Variants in LPIN2 observed in about 807,000 individuals in gnomAD.
LPIN2 encodes the protein phosphatidate phosphatase LPIN2.
Under a neutral mutation model 111.4 loss-of-function variants are expected in LPIN2, and 55 were observed. That is an observed-to-expected ratio of 0.49 (90% confidence interval 0.40 to 0.62). The LOEUF (loss-of-function observed/expected upper bound fraction) is 0.62, where lower values mean the gene tolerates loss of function less well. Among genes scored for constraint, LPIN2 ranks in the 20% least tolerant of loss-of-function variants. The pLI is 0.00. For missense variants in LPIN2, 992 were observed against 1,112.1 expected (o/e 0.89, Z 1.54); for synonymous variants, 425 against 414.0 (o/e 1.03, Z -0.32).
At chr18:2,993,967 C>G (rs1335435659) in intron 1 of LPIN2, among the ~76,000 whole-genome samples, 2 of 152,184 alleles carry the variant, frequency 1.3e-5, no homozygotes, top group Non-Finnish European at 2.9e-5. Context: ...ACCTCTGGTT[C>G]TAAACCACAC....
intron 9 of LPIN2, among the ~76,000 whole-genome samples, chr18:2,930,504 C>T (rs2077198397): frequency 6.6e-6 from 1 of 152,202 alleles, no homozygotes; most frequent in Admixed American, 6.5e-5. Context: ...ATGCAGTCTG[C>T]CACATCACAC....
At chr18:2,966,579 T>C (rs892586922) in intron 1 of LPIN2, among the ~76,000 whole-genome samples, 12 of 152,220 alleles carry the variant, frequency 7.9e-5, no homozygotes, top group African/African-American at 2.2e-4. Flanking sequence ...GTAACAGAAA[T>C]GCTCTAAGTA....
intron 2 of LPIN2, among the ~76,000 whole-genome samples, chr18:2,959,931 G>C (rs2077682132): frequency 6.6e-6 from 1 of 152,160 alleles, no homozygotes; most frequent in South Asian, 2.1e-4. Flanking sequence ...GGGAGGCCGA[G>C]GCCGAAGCCG....
Position 2,940,652 on chromosome 18 carries a change from A to G in LPIN2, c.651T>C (p.Ser217=), listed in dbSNP as rs917509378. The change falls in exon 5 of 20, where the codon TCT becomes TCC. Residue 217 remains serine (S), a synonymous_variant. Transcript: ENST00000677752. ...EECKEPLLFH[S]GDHYPLSDGD... The stretch of plus-strand genomic sequence containing the variant: ...CATCAGATAAGGGGTAATGATCCCC[A>G]GAATGGAAGAGCAAAGGCTCTTTAC... 1.9e-5 allele frequency: 31 copies of G among 1,613,566 alleles called. No homozygotes were observed. Among genetic ancestry groups the G allele is most frequent in the Non-Finnish European group, 2.5e-5 (30 of 1,179,638 alleles).
chr18:2,917,388 C>CTT lies in LPIN2; in HGVS notation c.*2903_*2904dup, dbSNP rs1481217433. 6.6e-6 allele frequency: 1 copy of CTT among 152,152 alleles called. No homozygotes were observed. Among genetic ancestry groups the CTT allele is most frequent in the Non-Finnish European group, 1.5e-5 (1 of 68,028 alleles). 9.4% of individuals were successfully genotyped at this position (152,152 alleles called of 1,614,324 possible). A position where few individuals can be genotyped will look rare whatever the true frequency, so the allele number is the denominator to read the frequency against. ...TTCCCCGGAAGTCTGTTTTTGCCAA[C>CTT]TTGTAAAAAGTGAAAGAGCTGACTT... On this transcript the variant is annotated 3_prime_UTR_variant, in exon 20 of 20. Transcript: ENST00000677752.
intron 4 of LPIN2, chr18:2,946,731 A>G (rs2077458109): frequency 3.5e-6 from 2 of 566,600 alleles, no homozygotes; most frequent in Admixed American, 6.1e-5. Context: ...ATTTTAAACT[A>G]TTCACTGGTA....
chr18:3,000,393 C>G (rs1441223977), intron 1 of LPIN2, among the ~76,000 whole-genome samples: 2 of 152,222 alleles, frequency 1.3e-5, no homozygotes, highest in East Asian at 3.9e-4. Flanking sequence ...AAAGTTCCCA[C>G]CAGGTGCCCA....
At chr18:2,943,935 T>C (rs1052466271) in intron 4 of LPIN2, among the ~76,000 whole-genome samples, 5 of 152,224 alleles carry the variant, frequency 3.3e-5, no homozygotes, top group Non-Finnish European at 7.3e-5. Flanking sequence ...ATAGTACTTC[T>C]GTAAATTTTT....
intron 8 of LPIN2, among the ~76,000 whole-genome samples, chr18:2,933,284 T>C (rs556475257): frequency 2.2e-4 from 33 of 152,342 alleles, no homozygotes; most frequent in African/African-American, 7.7e-4. Context: ...ATCATCACCT[T>C]AGTTACTCTC....
chr18:2,928,267 A>G (rs752145700), intron 11 of LPIN2, among the ~76,000 whole-genome samples: 8 of 152,148 alleles, frequency 5.3e-5, no homozygotes, highest in East Asian at 3.8e-4. Context: ...GCTTCTTCCC[A>G]TATTAATGGG....
In LPIN2 at chr18:2,920,005, G is replaced by A. The variant is rs2077028539; in HGVS notation, c.*288C>T. On this transcript the variant is annotated 3_prime_UTR_variant, in exon 20 of 20. Transcript: ENST00000677752. ...TTTCTTCCTTTAAAATGATGCAATG[G>A]AAGGAGGCCCCAGCTCACAGCAGGA... 3 of 520,590 alleles carry A rather than the reference G, an allele frequency of 5.8e-6. No homozygotes were observed. Among genetic ancestry groups the A allele is most frequent in the South Asian group, 2.1e-5 (1 of 47,778 alleles). 32.2% of individuals were successfully genotyped at this position (520,590 alleles called of 1,614,324 possible).
Position 2,992,859 on chromosome 18 carries a change from G to A in LPIN2, c.-10+20228C>T, listed in dbSNP as rs527411725. On this transcript the variant is annotated intron_variant, in intron 1 of 19. Coordinates refer to ENST00000677752, the MANE Select transcript of LPIN2 (RefSeq NM_001375808.2). ...AAATTAGCCAGGCCTGGTGGCGGGC[G>A]CCTGTAGTCCCAGCTACTCGGGAGG... Among the ~76,000 whole-genome samples, 15 of 151,824 alleles carry A rather than the reference G, an allele frequency of 9.9e-5. 1 individual carries two copies. The South Asian group carries it at 1.5e-3, about 15-fold the overall frequency.
At chr18:3,001,685 T>G (rs1268137877) in intron 1 of LPIN2, among the ~76,000 whole-genome samples, 3 of 151,884 alleles carry the variant, frequency 2.0e-5, no homozygotes, top group Non-Finnish European at 2.9e-5. Context: ...AGAAAAGAAA[T>G]GAAAGGGGCT....
intron 2 of LPIN2, among the ~76,000 whole-genome samples, chr18:2,957,054 A>G (rs2077625372): frequency 6.6e-6 from 1 of 152,240 alleles, no homozygotes. Flanking sequence ...AAACAGTTTT[A>G]AAAATAACCC....
intron 1 of LPIN2, among the ~76,000 whole-genome samples, chr18:3,012,857 T>C (rs62077522): frequency 0.15 from 22,507 of 151,168 alleles, 2,259 homozygotes; most frequent in East Asian, 0.52. Flanking sequence ...GCGGCGGCGG[T>C]AGGGGCCGCG....
intron 1 of LPIN2, among the ~76,000 whole-genome samples, chr18:3,004,668 C>T (rs1003492367): frequency 1.3e-5 from 2 of 152,204 alleles, no homozygotes; most frequent in Non-Finnish European, 2.9e-5. Flanking sequence ...TGACATACCA[C>T]GTCTCACATA....
At chr18:2,936,625 G>A (rs1202555046) in intron 7 of LPIN2, among the ~76,000 whole-genome samples, 1 of 152,174 alleles carries the variant, frequency 6.6e-6, no homozygotes, top group African/African-American at 2.4e-5. Context: ...CTATCACCCA[G>A]GCTGGAATGG....
In LPIN2 at chr18:2,940,550, A is replaced by C. The variant is rs186034562; in HGVS notation, c.698+55T>G. The C allele has an allele frequency of 1.4e-3, 1,487 of 1,026,422 alleles. 6 individuals are homozygous for C. Among genetic ancestry groups the C allele is most frequent in the Middle Eastern group, 4.4e-3 (20 of 4,508 alleles). 63.6% of individuals were successfully genotyped at this position (1,026,422 alleles called of 1,614,324 possible). A position where few individuals can be genotyped will look rare whatever the true frequency, so the allele number is the denominator to read the frequency against. On this transcript the variant is annotated intron_variant, in intron 5 of 19. Coordinates refer to ENST00000677752, the MANE Select transcript of LPIN2 (RefSeq NM_001375808.2). ...ATTACTACAGATTAACAGAAAAGCT[A>C]ATTAATACATCTCCTTCCTCTTTCA...
intron 12 of LPIN2, 102 bp from the exon 13 acceptor site, chr18:2,926,907 A>G (rs1224077725): frequency 2.3e-6 from 2 of 866,660 alleles, no homozygotes; most frequent in African/African-American, 3.3e-5. Flanking sequence ...TGCCTTCTGA[A>G]CCCACAACTT....
Sources: gnomAD v4.1 joint callset for allele counts (sites outside exome capture counted in the v4.1 genomes callset) on GRCh38, gnomAD v4.1.1 for gene constraint, MANE v1.5 for transcripts, NCBI Gene and HGNC (gene_info 2026-07-23, HGNC 2026-07-21) for gene names.